The following CHST8 variants were observed in gnomAD, a reference collection of about 807,000 sequenced individuals.
The protein encoded by CHST8 is carbohydrate sulfotransferase 8, also known as GALNAC-4-ST1.
A neutral mutation model predicts 15.0 loss-of-function variants in CHST8; 10 were observed. The observed-to-expected ratio is 0.67, with a 90% CI of 0.41 to 1.13. The LOEUF (loss-of-function observed/expected upper bound fraction) is 1.13, where lower values mean the gene tolerates loss of function less well. Among genes scored for constraint, CHST8 ranks in the 50% most tolerant of loss-of-function variants. CHST8 has a pLI of 0.00. For missense variants in CHST8, 634 were observed against 608.2 expected (o/e 1.04, Z -0.45); for synonymous variants, 259 against 256.6 (o/e 1.01, Z -0.09).
intron 1 of CHST8, among the ~76,000 whole-genome samples, chr19:33,665,253 G>C (rs1369346827): frequency 1.3e-5 from 2 of 152,138 alleles, no homozygotes; most frequent in African/African-American, 4.8e-5. Flanking sequence ...ACTAGCATCT[G>C]TTATGCCAGA....
rs189987078 is a variant in CHST8 at position 33,710,180 on chromosome 19, G to A, written c.130+20789G>A. On this transcript the variant is annotated intron_variant, in intron 3 of 4. Transcript: ENST00000650847. The stretch of plus-strand genomic sequence containing the variant: ...GTATTCTCTTATAATCACTAGTGAT[G>A]TCCTCATTTTCATTCATGATGTTAG... Among the ~76,000 whole-genome samples the A allele has an allele frequency of 7.7e-4, 117 of 152,198 alleles. 3 individuals carry two copies. In the East Asian group the frequency reaches 0.021, roughly 27 times the overall value.
intron 3 of CHST8, among the ~76,000 whole-genome samples, chr19:33,713,218 G>A (rs934158245): frequency 3.9e-5 from 6 of 152,170 alleles, no homozygotes; most frequent in Non-Finnish European, 7.3e-5. Context: ...TGCAGGTGAA[G>A]TTCACCTGCT....
intron 3 of CHST8, among the ~76,000 whole-genome samples, chr19:33,740,978 G>T (rs1421383316): frequency 2.6e-5 from 4 of 152,204 alleles, no homozygotes; most frequent in Non-Finnish European, 5.9e-5. Flanking sequence ...CCTTAGAGCG[G>T]GGTATCATTG....
intron 3 of CHST8, among the ~76,000 whole-genome samples, chr19:33,690,061 A>G (rs1973069092): frequency 6.6e-6 from 1 of 152,252 alleles, no homozygotes; most frequent in East Asian, 1.9e-4. Context: ...CACGGTCCCC[A>G]TCCCCAGAGA....
intron 3 of CHST8, among the ~76,000 whole-genome samples, chr19:33,694,219 T>A (rs190432223): frequency 4.3e-4 from 41 of 96,186 alleles, no homozygotes; most frequent in African/African-American, 1.6e-3. Flanking sequence ...TATATATATA[T>A]AATGTTACCA....
At chr19:33,660,416 G>A (rs1301290735) in intron 1 of CHST8, among the ~76,000 whole-genome samples, 2 of 152,178 alleles carry the variant, frequency 1.3e-5, no homozygotes, top group Non-Finnish European at 2.9e-5. Flanking sequence ...CAGAGAGCTG[G>A]TGGTGCTCAT....
intron 3 of CHST8, among the ~76,000 whole-genome samples, chr19:33,754,155 C>T (rs1033816024): frequency 6.3e-5 from 9 of 142,374 alleles, no homozygotes; most frequent in South Asian, 2.5e-4. Flanking sequence ...GTGTGCCCCC[C>T]GTGTGCATCT....
At chr19:33,669,705 G>T (rs547167321) in intron 2 of CHST8, among the ~76,000 whole-genome samples, 1 of 152,294 alleles carries the variant, frequency 6.6e-6, no homozygotes, top group South Asian at 2.1e-4. Context: ...AAGAAACTGT[G>T]AAGGCAGCCT....
chr19:33,691,152 C>G (rs780182915), intron 3 of CHST8, among the ~76,000 whole-genome samples: 1 of 152,256 alleles, frequency 6.6e-6, no homozygotes, highest in Non-Finnish European at 1.5e-5. Flanking sequence ...CCCTGTTGCC[C>G]TGCCCAGCTT....
At chr19:33,765,165 G>A (rs1974808657) in intron 3 of CHST8, among the ~76,000 whole-genome samples, 1 of 151,080 alleles carries the variant, frequency 6.6e-6, no homozygotes. Flanking sequence ...ATAAGAAGAG[G>A]AGAAGAGACA....
chr19:33,737,218 G>T (rs4805933), intron 3 of CHST8, among the ~76,000 whole-genome samples: 1 of 152,166 alleles, frequency 6.6e-6, no homozygotes, highest in Non-Finnish European at 1.5e-5. Flanking sequence ...GCTTCTCTGC[G>T]TATGGAATAG....
At chr19:33,717,928 TAGGACTTCA>T (rs1359126269) in intron 3 of CHST8, among the ~76,000 whole-genome samples, 2 of 152,188 alleles carry the variant, frequency 1.3e-5, no homozygotes, top group Admixed American at 1.3e-4. Flanking sequence ...TACTGGGGGT[TAGGACTTCA>T]AGGTGGATTT....
chr19:33,651,574 C>T (rs902998753), intron 1 of CHST8, among the ~76,000 whole-genome samples: 3 of 152,064 alleles, frequency 2.0e-5, no homozygotes, highest in African/African-American at 7.2e-5. Context: ...TGTTGGTGTA[C>T]ATAATTATTT....
chr19:33,634,467 G>A (rs921207998), intron 1 of CHST8, among the ~76,000 whole-genome samples: 13 of 152,166 alleles, frequency 8.5e-5, no homozygotes, highest in South Asian at 2.1e-4. Flanking sequence ...TCTTCTGGGC[G>A]GGTTTGAATC....
chr19:33,698,107 C>T (rs1973256970), intron 3 of CHST8, among the ~76,000 whole-genome samples: 2 of 152,208 alleles, frequency 1.3e-5, no homozygotes, highest in African/African-American at 2.4e-5. Context: ...CAAAACCCCG[C>T]CTCTACTAAA....
At chr19:33,732,920 G>A (rs557555949) in intron 3 of CHST8, among the ~76,000 whole-genome samples, 23 of 152,300 alleles carry the variant, frequency 1.5e-4, no homozygotes, top group African/African-American at 5.5e-4. Context: ...AGATCAGTGT[G>A]TTCAACTGGG....
intron 3 of CHST8, among the ~76,000 whole-genome samples, chr19:33,750,560 C>T (rs192829706): frequency 4.6e-5 from 7 of 152,180 alleles, no homozygotes; most frequent in Non-Finnish European, 8.8e-5. Flanking sequence ...CTGCTGGAGG[C>T]GAGAGCCACT....
chr19:33,668,753 G>A (rs74760406), intron 2 of CHST8, among the ~76,000 whole-genome samples: 5 of 152,156 alleles, frequency 3.3e-5, no homozygotes, highest in South Asian at 4.2e-4. Context: ...GGGGTAGAGC[G>A]CTGCAGAATT....
chr19:33,708,656 G>A (rs933909673), intron 3 of CHST8, among the ~76,000 whole-genome samples: 1 of 152,244 alleles, frequency 6.6e-6, no homozygotes, highest in African/African-American at 2.4e-5. Flanking sequence ...AAATCAGGAA[G>A]TGTAAATCCT....
Sources: allele counts gnomAD v4.1 joint callset (sites outside exome capture counted in the v4.1 genomes callset), GRCh38; gene constraint gnomAD v4.1.1; transcripts MANE v1.5; gene names NCBI Gene and HGNC (gene_info 2026-07-23, HGNC 2026-07-21).